The following SMIM9 variants were observed in gnomAD, a reference collection of about 807,000 sequenced individuals.
SMIM9 encodes the protein chromosome X open reading frame 68.
A neutral mutation model predicts 7.2 loss-of-function variants in SMIM9; 8 were observed. The ratio of observed to expected loss-of-function variants is 1.10; its 90% CI spans 0.65 to 1.99. SMIM9 has a LOEUF of 1.99. Among genes scored for constraint, SMIM9 ranks in the 30% most tolerant of loss-of-function variants. The pLI, the probability that SMIM9 is intolerant of heterozygous loss-of-function variation, is 0.00. For synonymous variants in SMIM9, 19 were observed against 26.4 expected, an observed-to-expected ratio of 0.72 and a Z score of 0.86; for missense variants, 76 against 69.3, an observed-to-expected ratio of 1.10 and a Z score of -0.34.
At chrX:154,830,645 C>T in intron 3 of SMIM9, 70 bp downstream of exon 3, 1 of 1,072,760 alleles carries the variant, frequency 9.3e-7, no homozygotes, top group South Asian at 2.3e-5. Context: ...TTCATTTTAC[C>T]TGACCTGAAC....
At chrX:154,827,946 ATGAC>A (rs1169452041) in intron 4 of SMIM9, among the ~76,000 whole-genome samples, 5 of 111,829 alleles carry the variant, frequency 4.5e-5, no homozygotes, top group Non-Finnish European at 9.4e-5. Flanking sequence ...CATCCAGTGA[ATGAC>A]TGAGGTGGGG....
At chrX:154,829,732 A>T in intron 3 of SMIM9, 68 bp from the exon 4 acceptor site, 2 of 1,068,986 alleles carry the variant, frequency 1.9e-6, no homozygotes, top group Middle Eastern at 2.5e-4. Context: ...GTTTGAATCC[A>T]AATTCGAGTT....
At chrX:154,826,630 C>A (rs781783866) in intron 4 of SMIM9, among the ~76,000 whole-genome samples, 15 of 112,240 alleles carry the variant, frequency 1.3e-4, no homozygotes, top group Non-Finnish European at 2.8e-4. Context: ...TTTTTATCTG[C>A]CCTGAGATAT....
intron 1 of SMIM9, 82 bp downstream of exon 1, chrX:154,834,481 G>T (rs945679151): frequency 8.9e-6 from 1 of 112,294 alleles, no homozygotes; most frequent in Non-Finnish European, 1.9e-5. Context: ...ATTGTAAAAA[G>T]AATATGGCTG....
intron 4 of SMIM9, among the ~76,000 whole-genome samples, chrX:154,826,650 G>C: frequency 8.9e-6 from 1 of 112,538 alleles, no homozygotes; most frequent in East Asian, 2.8e-4. Context: ...TTTTTCTAGT[G>C]AGTATTCCTC....
chrX:154,826,619 G>A (rs1229734589), intron 4 of SMIM9, among the ~76,000 whole-genome samples: 1 of 112,266 alleles, frequency 8.9e-6, no homozygotes, highest in East Asian at 2.8e-4. Flanking sequence ...TTAGTACATG[G>A]TTTTTATCTG....
Position 154,829,575 on chromosome X carries a change from G to A in SMIM9, c.232C>T (p.Leu78Phe). ...ATCCCCATTAGTGCTGAGGTGAGAAGAAAAGCAACAATGGCTGCTGGAGGT... is the reference window on the plus strand; with the variant it reads ...ATCCCCATTAGTGCTGAGGTGAGAAAAAAAGCAACAATGGCTGCTGGAGGT... ...ALPPAAIVAF[L>F]LTSALMGILC... Residue 78 changes from leucine (L) to phenylalanine (F), a missense_variant, in exon 4 of 5, where the codon CTT becomes TTT. Coordinates refer to ENST00000369529, the MANE Select transcript of SMIM9 (RefSeq NM_001162936.4). 8.6e-7 allele frequency: 1 copy of A among 1,168,080 alleles called. No homozygotes were observed.
At chrX:154,827,790 A>T (rs782332384) in intron 4 of SMIM9, among the ~76,000 whole-genome samples, 8 of 112,000 alleles carry the variant, frequency 7.1e-5, no homozygotes, top group Admixed American at 9.4e-5. Flanking sequence ...ATGCATATGG[A>T]AATATTCCAC....
At chrX:154,830,542 T>C in intron 3 of SMIM9, 173 bp downstream of exon 3, 1 of 512,359 alleles carries the variant, frequency 2.0e-6, no homozygotes, top group Non-Finnish European at 3.1e-6. Flanking sequence ...GAAAAGGGCT[T>C]GGTACGTAGT....
intron 4 of SMIM9, among the ~76,000 whole-genome samples, chrX:154,824,139 C>T (rs112782071): frequency 2.7e-5 from 3 of 110,277 alleles, no homozygotes; most frequent in African/African-American, 9.9e-5. Flanking sequence ...AGGCAGATCA[C>T]GAGGTCAGGA....
chrX:154,831,805 G>A lies in SMIM9; in HGVS notation c.-100+769C>T, dbSNP rs782238660. ...TTTCCAGGGAATGCTTTTCCCCCAG[G>A]TATTCTCAGAATTTATTTCCTCACC... On this transcript the variant is annotated intron_variant, in intron 2 of 4. Transcript: ENST00000369529. Among the ~76,000 whole-genome samples, 8 of 110,828 alleles carry A rather than the reference G, an allele frequency of 7.2e-5. No homozygotes were observed. The South Asian group carries it at 3.0e-3, about 42-fold the overall frequency.
chrX:154,825,378 T>A (rs2072416585), intron 4 of SMIM9, among the ~76,000 whole-genome samples: 1 of 91,495 alleles, frequency 1.1e-5, no homozygotes, highest in Non-Finnish European at 2.2e-5. Context: ...GGTGACAGAC[T>A]GAGACTTCAC....
At chrX:154,833,051 T>C (rs1289775633) in intron 1 of SMIM9, among the ~76,000 whole-genome samples, 2 of 111,585 alleles carry the variant, frequency 1.8e-5, no homozygotes, top group African/African-American at 6.5e-5. Flanking sequence ...ATATACAAAA[T>C]ATGACATTTT....
Position 154,834,654 on chromosome X carries a change from C to T in SMIM9, c.-301G>A, listed in dbSNP as rs1350554816. The stretch of plus-strand genomic sequence containing the variant: ...GCAGTCATCTGAAAGCTTGACTGTA[C>T]TGGAGGATCTACTTCCAAGATGGTG... On this transcript the variant is annotated 5_prime_UTR_variant, in exon 1 of 5. Coordinates refer to ENST00000369529, the MANE Select transcript of SMIM9 (RefSeq NM_001162936.4). 9.0e-6 allele frequency: 1 copy of T among 111,117 alleles called. No homozygotes were observed. The highest frequency in any genetic ancestry group is 1.9e-5 in the Non-Finnish European group (1 of 53,012). The allele number at this position is 111,117 out of a possible 1,213,427, so 9.2% of individuals were successfully genotyped here.
intron 4 of SMIM9, among the ~76,000 whole-genome samples, chrX:154,824,584 TCTG>T (rs1201842424): frequency 1.8e-5 from 2 of 111,837 alleles, no homozygotes; most frequent in Admixed American, 9.5e-5. Context: ...TCTGTTATAA[TCTG>T]CTTTTTCCAC....
intron 1 of SMIM9, among the ~76,000 whole-genome samples, chrX:154,833,195 G>A (rs1459497626): frequency 8.9e-6 from 1 of 112,370 alleles, no homozygotes; most frequent in Admixed American, 9.4e-5. Flanking sequence ...ACATAAAAAT[G>A]TAAAGCTTTC....
At chrX:154,832,746 C>G (rs2148553536) in intron 1 of SMIM9, 63 bp from the exon 2 acceptor site, 1 of 112,051 alleles carries the variant, frequency 8.9e-6, no homozygotes, top group South Asian at 3.7e-4. Context: ...TAACCCTCCC[C>G]CAGTCTCCTT....
At chrX:154,830,519 T>C in intron 3 of SMIM9, 196 bp downstream of exon 3, 1 of 415,864 alleles carries the variant, frequency 2.4e-6, no homozygotes, top group Non-Finnish European at 4.0e-6. Flanking sequence ...CAATTCCTAA[T>C]CCATGTAGTT....
At chrX:154,827,696 C>A (rs782259724) in intron 4 of SMIM9, among the ~76,000 whole-genome samples, 2 of 112,523 alleles carry the variant, frequency 1.8e-5, no homozygotes, top group Non-Finnish European at 3.8e-5. Flanking sequence ...GAACATATAG[C>A]CAGTCTCTGT....
Sources: gnomAD v4.1 joint callset for allele counts (sites outside exome capture counted in the v4.1 genomes callset) on GRCh38, gnomAD v4.1.1 for gene constraint, MANE v1.5 for transcripts, NCBI Gene and HGNC (gene_info 2026-07-23, HGNC 2026-07-21) for gene names.